BRIP1: variants seen among roughly 807,000 people sequenced by gnomAD.
The protein encoded by BRIP1 is BRCA1 interacting DNA helicase 1.
Under a neutral mutation model 119.7 loss-of-function variants are expected in BRIP1, and 88 were observed. The observed-to-expected ratio is 0.74, with a 90% CI of 0.62 to 0.88. The LOEUF (loss-of-function observed/expected upper bound fraction) is 0.88, where lower values mean the gene tolerates loss of function less well. Among genes scored for constraint, BRIP1 ranks in the 40% least tolerant of loss-of-function variants. The pLI is 0.00. For missense variants in BRIP1, 1,259 were observed against 1,455.4 expected, an observed-to-expected ratio of 0.87 and a Z score of 2.20; for synonymous variants, 443 against 496.5, an observed-to-expected ratio of 0.89 and a Z score of 1.43.
Position 61,691,496 on chromosome 17 carries a change from C to G in BRIP1, c.2575+1934G>C, listed in dbSNP as rs561148287. On this transcript the variant is annotated intron_variant, in intron 18 of 19. Transcript: ENST00000259008. The surrounding 1 kb of genome is among the most constrained non-coding windows in gnomAD (Gnocchi z 5.0). Reference sequence around the variant, plus strand: ...TTTGAGACAGAATCTTGCTCTGTTGCCCAGGCTAGAGTGCAGTGGCGCGGT... The same window carrying G: ...TTTGAGACAGAATCTTGCTCTGTTGGCCAGGCTAGAGTGCAGTGGCGCGGT... Among the ~76,000 whole-genome samples the G allele has an allele frequency of 6.6e-6, 1 of 152,288 alleles. No individual in the cohort carries two copies. Among genetic ancestry groups the G allele is most frequent in the Admixed American group, 6.5e-5 (1 of 15,298 alleles).
chr17:61,798,566 G>A lies in BRIP1; in HGVS notation c.1340+534C>T, dbSNP rs2077936920. Among the ~76,000 whole-genome samples, 1 of 151,880 alleles carries A rather than the reference G, an allele frequency of 6.6e-6. No homozygotes were observed. The highest frequency in any genetic ancestry group is 2.1e-4 in the South Asian group (1 of 4,818). On this transcript the variant is annotated intron_variant, in intron 9 of 19. Transcript: ENST00000259008. The surrounding 1 kb of genome is among the most constrained non-coding windows in gnomAD (Gnocchi z 5.5). ...AAAAATGCTACAATAAATGAAATGG[G>A]ATTCAGAGTTGGGAAGTTTTTTTCT...
chr17:61,694,798 C>A lies in BRIP1; in HGVS notation c.2493-1286G>T, dbSNP rs187227818. 3.3e-5 allele frequency among the ~76,000 whole-genome samples: 5 copies of A among 151,686 alleles called. No individual in the cohort carries two copies. In the East Asian group the frequency reaches 9.6e-4, roughly 29 times the overall value. ...CAATGATGTTGAACATCATTTTTTA[C>A]GTGCTTACTGGCCATTTGTGTATCC... On this transcript the variant is annotated intron_variant, in intron 17 of 19. Transcript: ENST00000259008.
Position 61,781,860 on chromosome 17 carries a change from G to A in BRIP1, c.1629-855C>T, listed in dbSNP as rs557988918. The stretch of plus-strand genomic sequence containing the variant: ...CACTTGAACCCGGGAGGTGGAGGTT[G>A]CAGTGAGCTGAGATAGCGCCACTGC... On this transcript the variant is annotated intron_variant, in intron 11 of 19. Coordinates refer to ENST00000259008, the MANE Select transcript of BRIP1 (RefSeq NM_032043.3). Among the ~76,000 whole-genome samples, 13 of 150,854 alleles carry A rather than the reference G, an allele frequency of 8.6e-5. No homozygotes were observed. In the South Asian group the frequency reaches 2.3e-3, roughly 27 times the overall value.
At chr17:61,837,943 A>G (rs1194015361) in intron 6 of BRIP1, among the ~76,000 whole-genome samples, 3 of 152,178 alleles carry the variant, frequency 2.0e-5, no homozygotes, top group Non-Finnish European at 4.4e-5. Context: ...TACTTCTCCA[A>G]TCCACTAGGT....
At position 61,846,955 on chromosome 17, in the gene BRIP1, G is replaced by T; in HGVS notation, c.627+146C>A. ...ATAGGCTTTGCCATCTCACACATTA[G>T]TAACAGAGATGTGACAGCATTGAGG... On this transcript the variant is annotated intron_variant, in intron 6 of 19. Coordinates refer to ENST00000259008, the MANE Select transcript of BRIP1 (RefSeq NM_032043.3). The surrounding 1 kb of genome is among the most constrained non-coding windows in gnomAD (Gnocchi z 4.3). The T allele has an allele frequency of 1.2e-6, 1 of 869,314 alleles. No individual in the cohort carries two copies. The highest frequency in any genetic ancestry group is 1.8e-6 in the Non-Finnish European group (1 of 550,886). The allele number at this position is 869,314 out of a possible 1,614,324, so 53.9% of individuals were successfully genotyped here.
In BRIP1 at chr17:61,823,967, C is replaced by T. The variant is rs193300407; in HGVS notation, c.628-15210G>A. Among the ~76,000 whole-genome samples, 143 of 152,274 alleles carry T rather than the reference C, an allele frequency of 9.4e-4. 1 individual carries two copies. The East Asian group carries it at 0.018, about 19-fold the overall frequency. ...CAGCAGAGATTACAGGCATGTGCCG[C>T]CGCACCTGCCTAATTTTTTGTATTT... On this transcript the variant is annotated intron_variant, in intron 6 of 19. Coordinates refer to ENST00000259008, the MANE Select transcript of BRIP1 (RefSeq NM_032043.3). The surrounding 1 kb of genome is among the most constrained non-coding windows in gnomAD (Gnocchi z 4.8).
intron 16 of BRIP1, among the ~76,000 whole-genome samples, chr17:61,723,206 A>G (rs1388550028): frequency 6.6e-6 from 1 of 152,234 alleles, no homozygotes; most frequent in Non-Finnish European, 1.5e-5. Context: ...TTAAAATGAC[A>G]TACAGCATAT....
chr17:61,793,256 A>G lies in BRIP1; in HGVS notation c.1473+341T>C, dbSNP rs1468577. ...TTATAATTTCTAAATTAAGATGAAC[A>G]AAATAGGAATTTCTCCTCTTTTTAT... is the stretch of plus-strand genomic sequence containing the variant. On this transcript the variant is annotated intron_variant, in intron 10 of 19. Coordinates refer to ENST00000259008, the MANE Select transcript of BRIP1 (RefSeq NM_032043.3). The surrounding 1 kb of genome is among the most constrained non-coding windows in gnomAD (Gnocchi z 5.2). 0.79 allele frequency among the ~76,000 whole-genome samples: 119,534 copies of G among 151,906 alleles called. 47,597 individuals carry two copies. Among genetic ancestry groups the G allele is most frequent in the African/African-American group, 0.87 (36,280 of 41,494 alleles).
chr17:61,793,871 C>T lies in BRIP1; in HGVS notation c.1341-142G>A, dbSNP rs1027692231. 17 of 824,352 alleles carry T rather than the reference C, an allele frequency of 2.1e-5. No homozygotes were observed. Among genetic ancestry groups the T allele is most frequent in the African/African-American group, 1.1e-4 (6 of 56,576 alleles). 51.1% of individuals were successfully genotyped at this position (824,352 alleles called of 1,614,324 possible). On this transcript the variant is annotated intron_variant, in intron 9 of 19. Coordinates refer to ENST00000259008, the MANE Select transcript of BRIP1 (RefSeq NM_032043.3). This position sits in a 1 kb window ranked among gnomAD's most constrained non-coding sequence, Gnocchi z 5.2. The stretch of plus-strand genomic sequence containing the variant: ...GGACATGAATGTGGATTAATTAAGA[C>T]ACCTTTTAAAAAGCATTCATGTCTC...
rs1350433372 is a variant in BRIP1, at chr17:61,857,151, TA to T, written c.285del (p.Phe95LeufsTer6). 1 of 1,614,146 alleles carries T rather than the reference TA, an allele frequency of 6.2e-7. No homozygotes were observed. Among genetic ancestry groups the T allele is most frequent in the Non-Finnish European group, 8.5e-7 (1 of 1,179,996 alleles). ...SCCCACHSKDFTNNDMNQGTS... is the reference protein window; with the variant it reads ...SCCCACHSKDXTNNDMNQGTS... The stretch of plus-strand genomic sequence containing the variant: ...GTTCCTTGGTTCATGTCATTGTTTG[TA>T]AAATCCTTTGAATGGCATGCACAAC... On this transcript the variant is annotated frameshift_variant, in exon 4 of 20. Coordinates refer to ENST00000259008, the MANE Select transcript of BRIP1 (RefSeq NM_032043.3). LOFTEE classifies it high-confidence loss of function. This position sits in a 1 kb window ranked among gnomAD's most constrained non-coding sequence, Gnocchi z 5.1.
intron 6 of BRIP1, among the ~76,000 whole-genome samples, chr17:61,840,542 C>T (rs1319053995): frequency 6.6e-6 from 1 of 151,954 alleles, no homozygotes; most frequent in Non-Finnish European, 1.5e-5. Flanking sequence ...TTTGGGAGGC[C>T]AAGGCAGGTG....
Position 61,695,208 on chromosome 17 carries a change from C to T in BRIP1, c.2493-1696G>A, listed in dbSNP as rs1477048822. Among the ~76,000 whole-genome samples, 2 of 152,010 alleles carry T rather than the reference C, an allele frequency of 1.3e-5. No individual in the cohort carries two copies. The highest frequency in any genetic ancestry group is 6.6e-5 in the Admixed American group (1 of 15,256). The stretch of plus-strand genomic sequence containing the variant: ...TAGGAGTCTAATTTCATTATTTGCA[C>T]AGATATCCAGTTGTCCCAACACCAT... On this transcript the variant is annotated intron_variant, in intron 17 of 19. Coordinates refer to ENST00000259008, the MANE Select transcript of BRIP1 (RefSeq NM_032043.3). The surrounding 1 kb of genome is among the most constrained non-coding windows in gnomAD (Gnocchi z 4.3).
intron 16 of BRIP1, among the ~76,000 whole-genome samples, chr17:61,732,221 G>A (rs956248922): frequency 2.0e-5 from 3 of 151,844 alleles, no homozygotes; most frequent in African/African-American, 4.8e-5. Context: ...GACCTCAAGT[G>A]ATCCACCCAC....
At position 61,776,640 on chromosome 17, in the gene BRIP1, A is replaced by C; in HGVS notation, c.1936-78T>G. ...TTAGTATTTATTTGGAAGTATGTACATAAAAGATCAAGCAACAAGTTTAAC... is the reference window on the plus strand; with the variant it reads ...TTAGTATTTATTTGGAAGTATGTACCTAAAAGATCAAGCAACAAGTTTAAC... On this transcript the variant is annotated intron_variant, in intron 13 of 19. Coordinates refer to ENST00000259008, the MANE Select transcript of BRIP1 (RefSeq NM_032043.3). The surrounding 1 kb of genome is among the most constrained non-coding windows in gnomAD (Gnocchi z 5.0). 3.5e-6 allele frequency: 5 copies of C among 1,445,964 alleles called. No individual in the cohort carries two copies. In the South Asian group the frequency reaches 5.8e-5, roughly 17 times the overall value. 89.6% of individuals were successfully genotyped at this position (1,445,964 alleles called of 1,614,324 possible).
intron 16 of BRIP1, among the ~76,000 whole-genome samples, chr17:61,716,733 C>A (rs2061870740): frequency 1.9e-5 from 1 of 51,592 alleles, no homozygotes; most frequent in South Asian, 4.6e-4. Flanking sequence ...CAATCTGTAC[C>A]ATTTTGTTTT....
At chr17:61,786,924 T>C (rs1454721447) in intron 10 of BRIP1, among the ~76,000 whole-genome samples, 2 of 40,504 alleles carry the variant, frequency 4.9e-5, no homozygotes, top group Non-Finnish European at 8.2e-5. Context: ...TAAAAATATA[T>C]ATTTATATAT....
In BRIP1 at chr17:61,755,814, G is replaced by A. The variant is rs1054481304; in HGVS notation, c.2098-11223C>T. On this transcript the variant is annotated intron_variant, in intron 14 of 19. Transcript: ENST00000259008. The surrounding 1 kb of genome is among the most constrained non-coding windows in gnomAD (Gnocchi z 4.5). ...GGAGAGTAAATAGGATACTAAGTCT[G>A]AGATACTGCAAGTTACGAGAGGAAA... Among the ~76,000 whole-genome samples, 1 of 152,150 alleles carries A rather than the reference G, an allele frequency of 6.6e-6. No individual in the cohort carries two copies. The highest frequency in any genetic ancestry group is 2.4e-5 in the African/African-American group (1 of 41,418).
Position 61,793,114 on chromosome 17 carries a change from A to T in BRIP1, c.1473+483T>A, listed in dbSNP as rs1371648092. 6.6e-6 allele frequency among the ~76,000 whole-genome samples: 1 copy of T among 152,200 alleles called. No homozygotes were observed. The highest frequency in any genetic ancestry group is 1.9e-4 in the East Asian group (1 of 5,200). ...AACATTAGAAAATATAATGAAATTT[A>T]TGCAGCCTCTATTTAGAAAAATGTA... On this transcript the variant is annotated intron_variant, in intron 10 of 19. Coordinates refer to ENST00000259008, the MANE Select transcript of BRIP1 (RefSeq NM_032043.3). The surrounding 1 kb of genome is among the most constrained non-coding windows in gnomAD (Gnocchi z 5.2).
rs1300534567 is a variant in BRIP1, at chr17:61,729,237, C to A, written c.2380-13174G>T. On this transcript the variant is annotated intron_variant, in intron 16 of 19. Coordinates refer to ENST00000259008, the MANE Select transcript of BRIP1 (RefSeq NM_032043.3). The surrounding 1 kb of genome is among the most constrained non-coding windows in gnomAD (Gnocchi z 5.6). ...GAGGTTGTGGTGAGCCAAGATCACG[C>A]CATTGCACTCCAGCCTGGGAAACAA... 6.6e-6 allele frequency among the ~76,000 whole-genome samples: 1 copy of A among 152,030 alleles called. No homozygotes were observed. The highest frequency in any genetic ancestry group is 1.9e-4 in the East Asian group (1 of 5,186).
Sources: allele counts gnomAD v4.1 joint callset (sites outside exome capture counted in the v4.1 genomes callset), GRCh38; gene constraint gnomAD v4.1.1; non-coding constraint Gnocchi (gnomAD v3.1); transcripts MANE v1.5; gene names NCBI Gene and HGNC (gene_info 2026-07-23, HGNC 2026-07-21).